ACKR3: variants seen among roughly 807,000 people sequenced by gnomAD.
ACKR3 encodes the protein atypical chemokine receptor 3.
A neutral mutation model predicts 22.4 loss-of-function variants in ACKR3; 6 were observed. That is an observed-to-expected ratio of 0.27 (90% CI 0.15 to 0.53). The LOEUF is 0.53. Ranked by LOEUF, ACKR3 falls within the 20% of genes least tolerant of loss-of-function variation. The pLI, the probability that ACKR3 is intolerant of heterozygous loss-of-function variation, is 0.96. For missense variants in ACKR3, 396 were observed against 475.2 expected (o/e 0.83, Z 1.55); for synonymous variants, 209 against 205.2 (o/e 1.02, Z -0.16).
chr2:236,546,729 C>T, the ACKR3 span, among the ~76,000 whole-genome samples: 7,751 of 152,242 alleles, frequency 0.051, 410 homozygotes, highest in East Asian at 0.14. The surrounding 1 kb of genome is among the most constrained non-coding windows in gnomAD (Gnocchi z 4.9). Flanking sequence ...GGATGGGGAG[C>T]CTCGTTCAGG....
chr2:236,544,158 T>G, the ACKR3 span, among the ~76,000 whole-genome samples: 18 of 150,938 alleles, frequency 1.2e-4, no homozygotes, highest in South Asian at 2.1e-4. The surrounding 1 kb of genome is among the most constrained non-coding windows in gnomAD (Gnocchi z 5.0). Context: ...CCCGGCTAAT[T>G]TTTGTATTTT....
the ACKR3 span, among the ~76,000 whole-genome samples, chr2:236,541,807 A>G: frequency 6.6e-6 from 1 of 152,156 alleles, no homozygotes; most frequent in South Asian, 2.1e-4. Flanking sequence ...AAGTCTCATA[A>G]GATCTGATGG....
chr2:236,573,432 C>T (rs992735032), intron 1 of ACKR3, among the ~76,000 whole-genome samples: 19 of 152,206 alleles, frequency 1.2e-4, no homozygotes, highest in African/African-American at 3.9e-4. Flanking sequence ...CACCATAACC[C>T]AGTCTCTTCA....
chr2:236,580,789 C>T lies in ACKR3; in HGVS notation c.324C>T (p.Asn108=), dbSNP rs765328546. ...GGGTGGTCAGTCTCGTGCAGCACAACCAGTGGCCCATGGGCGAGCTCACGT... is the reference window on the plus strand; with the variant it reads ...GGGTGGTCAGTCTCGTGCAGCACAATCAGTGGCCCATGGGCGAGCTCACGT... ...PVWVVSLVQH[N]QWPMGELTCK... is the part of the protein sequence containing the mutation. The change falls in exon 2 of 2, where the codon AAC becomes AAT. Residue 108 remains asparagine, a synonymous_variant. Coordinates refer to ENST00000272928, the MANE Select transcript of ACKR3 (RefSeq NM_020311.3). 30 of 1,614,070 alleles carry T rather than the reference C, an allele frequency of 1.9e-5. No homozygotes were observed. The highest frequency in any genetic ancestry group is 2.4e-5 in the Non-Finnish European group (28 of 1,180,044).
At chr2:236,552,012 T>C in the ACKR3 span, among the ~76,000 whole-genome samples, 1 of 152,022 alleles carries the variant, frequency 6.6e-6, no homozygotes, top group African/African-American at 2.4e-5. Flanking sequence ...CCTGGCTTCT[T>C]CTCTTATTTA....
chr2:236,581,382 T>C lies in ACKR3; in HGVS notation c.917T>C (p.Val306Ala). The C allele has an allele frequency of 6.2e-7, 1 of 1,614,100 alleles. No homozygotes were observed. Among genetic ancestry groups the C allele is most frequent in the Middle Eastern group, 1.6e-4 (1 of 6,062 alleles). The change falls in exon 2 of 2, where the codon GTG becomes GCG. Residue 306 changes from valine (V) to alanine (A), a missense_variant. Val to Ala is a moderately conservative substitution (Grantham distance 64). Transcript: ENST00000272928. The surrounding 1 kb of genome is among the most constrained non-coding windows in gnomAD (Gnocchi z 4.4). Reference sequence around the variant, plus strand: ...CATGTCACACAGTGCCTGTCGCTGGTGCACTGCTGCGTCAACCCTGTCCTC... The same window carrying C: ...CATGTCACACAGTGCCTGTCGCTGGCGCACTGCTGCGTCAACCCTGTCCTC... The part of the protein sequence containing the change: ...ALHVTQCLSL[V>A]HCCVNPVLYS...
At chr2:236,540,936 A>G in the ACKR3 span, among the ~76,000 whole-genome samples, 1 of 152,236 alleles carries the variant, frequency 6.6e-6, no homozygotes, top group Non-Finnish European at 1.5e-5. Flanking sequence ...AATACCTGTT[A>G]TAGATTACTC....
upstream of ACKR3, among the ~76,000 whole-genome samples, chr2:236,568,809 G>A (rs1429764262): frequency 6.6e-6 from 1 of 152,214 alleles, no homozygotes; most frequent in Non-Finnish European, 1.5e-5. Context: ...ATCTCGAAAA[G>A]TTTTAGCTCT....
chr2:236,554,797 C>T, the ACKR3 span, among the ~76,000 whole-genome samples: 1 of 152,206 alleles, frequency 6.6e-6, no homozygotes, highest in Non-Finnish European at 1.5e-5. Context: ...TGCTGTATCT[C>T]TCTGGCACCC....
rs1574979260 is a variant in ACKR3, at chr2:236,581,378, C to T, written c.913C>T (p.Leu305=). The T allele has an allele frequency of 6.2e-7, 1 of 1,614,098 alleles. No homozygotes were observed. The highest frequency in any genetic ancestry group is 8.5e-7 in the Non-Finnish European group (1 of 1,180,050). ...TALHVTQCLS[L]VHCCVNPVLY... ...CCTGCATGTCACACAGTGCCTGTCG[C>T]TGGTGCACTGCTGCGTCAACCCTGT... The change falls in exon 2 of 2, where the codon CTG becomes TTG. Residue 305 remains leucine, a synonymous_variant. Coordinates refer to ENST00000272928, the MANE Select transcript of ACKR3 (RefSeq NM_020311.3). The surrounding 1 kb of genome is among the most constrained non-coding windows in gnomAD (Gnocchi z 4.4).
rs771402831 is a variant in ACKR3 at position 236,581,217 on chromosome 2, G to A, written c.752G>A (p.Arg251Gln). The A allele has an allele frequency of 5.9e-5, 96 of 1,613,814 alleles. No individual in the cohort carries two copies. The highest frequency in any genetic ancestry group is 6.6e-5 in the Non-Finnish European group (78 of 1,179,874). The change falls in exon 2 of 2, where the codon CGG becomes CAG. Residue 251 changes from arginine (R) to glutamine (Q), a missense_variant. Physicochemically the swap from Arg to Gln is conservative, Grantham distance 43. Transcript: ENST00000272928. The surrounding 1 kb of genome is among the most constrained non-coding windows in gnomAD (Gnocchi z 4.4). The part of the protein sequence containing the change: ...ASSDQEKHSS[R>Q]KIIFSYVVVF... ...AGTGACCAGGAGAAGCACAGCAGCC[G>A]GAAGATCATCTTCTCCTACGTGGTG...
At chr2:236,579,235 A>C (rs1031443307) in intron 1 of ACKR3, among the ~76,000 whole-genome samples, 1 of 152,208 alleles carries the variant, frequency 6.6e-6, no homozygotes, top group African/African-American at 2.4e-5. Context: ...TGTAACCTGG[A>C]ATCCACTTTA....
chr2:236,563,560 C>A (rs536679957), upstream of ACKR3, among the ~76,000 whole-genome samples: 1 of 152,234 alleles, frequency 6.6e-6, no homozygotes, highest in South Asian at 2.1e-4. Context: ...GAGGTGGCCA[C>A]ATAACAGGCC....
intron 1 of ACKR3, among the ~76,000 whole-genome samples, chr2:236,575,534 GTGTC>G (rs1438350732): frequency 7.3e-6 from 1 of 137,582 alleles, no homozygotes; most frequent in Non-Finnish European, 1.5e-5. Flanking sequence ...GTGTGTGCGT[GTGTC>G]TGGGGTTGTG....
At chr2:236,579,000 T>G (rs1474845942) in intron 1 of ACKR3, among the ~76,000 whole-genome samples, 3 of 152,252 alleles carry the variant, frequency 2.0e-5, no homozygotes, top group Non-Finnish European at 1.5e-5. Context: ...TTCTTCTTTC[T>G]TCTTAGGGTA....
rs1466719125 is a variant in ACKR3, at chr2:236,577,274, G to A, written c.-26-3166G>A. ...GTTTCCCACTGTGCCACCCGGGAGG[G>A]GAGAAGCAAGGACAGAGGCGAGGAC... On this transcript the variant is annotated intron_variant, in intron 1 of 1. Coordinates refer to ENST00000272928, the MANE Select transcript of ACKR3 (RefSeq NM_020311.3). The surrounding 1 kb of genome is among the most constrained non-coding windows in gnomAD (Gnocchi z 5.6). 5.3e-5 allele frequency among the ~76,000 whole-genome samples: 8 copies of A among 152,234 alleles called. No individual in the cohort carries two copies.
At chr2:236,567,795 CG>C, upstream of ACKR3, 1 of 152,568 alleles carries the variant, frequency 6.6e-6, no homozygotes, top group Non-Finnish European at 1.5e-5. Flanking sequence ...GCGGTGACCC[CG>C]GGGCCAGAAT....
the ACKR3 span, among the ~76,000 whole-genome samples, chr2:236,561,262 G>T: frequency 6.6e-6 from 1 of 152,128 alleles, no homozygotes; most frequent in African/African-American, 2.4e-5. Context: ...TGTTGAGAGG[G>T]TAGATCTCCT....
At chr2:236,561,942 C>A in the ACKR3 span, among the ~76,000 whole-genome samples, 2 of 152,188 alleles carry the variant, frequency 1.3e-5, no homozygotes, top group Non-Finnish European at 2.9e-5. Flanking sequence ...TCTTTCTTTC[C>A]AATCCATATG....
Sources: gnomAD v4.1 joint callset for allele counts (sites outside exome capture counted in the v4.1 genomes callset) on GRCh38, gnomAD v4.1.1 for gene constraint, Gnocchi (gnomAD v3.1) non-coding constraint, MANE v1.5 for transcripts, NCBI Gene and HGNC (gene_info 2026-07-23, HGNC 2026-07-21) for gene names.